ZNF804B: variants seen among roughly 807,000 people sequenced by gnomAD.
The protein encoded by ZNF804B is zinc finger 804B.
Under a neutral mutation model 101.4 loss-of-function variants are expected in ZNF804B, and 80 were observed. That is an observed-to-expected ratio of 0.79 (90% CI 0.66 to 0.95). ZNF804B has a LOEUF of 0.95. Among genes scored for constraint, ZNF804B ranks in the 40% least tolerant of loss-of-function variants. The pLI is 0.00. For synonymous variants in ZNF804B, 622 were observed against 558.8 expected, an observed-to-expected ratio of 1.11 and a Z score of -1.59; for missense variants, 1,673 against 1,561.9, an observed-to-expected ratio of 1.07 and a Z score of -1.20.
intron 1 of ZNF804B, among the ~76,000 whole-genome samples, chr7:88,836,694 A>G (rs556091234): frequency 3.3e-5 from 5 of 151,988 alleles, no homozygotes; most frequent in Non-Finnish European, 7.4e-5. Context: ...GTCTCTATGC[A>G]GATTTCCAGA....
chr7:89,167,190 G>A (rs1484366027), intron 1 of ZNF804B, among the ~76,000 whole-genome samples: 2 of 151,648 alleles, frequency 1.3e-5, no homozygotes, highest in East Asian at 1.9e-4. Context: ...AATAATTCAT[G>A]TATGGGAGGC....
At chr7:88,774,620 T>C (rs575108369) in intron 1 of ZNF804B, among the ~76,000 whole-genome samples, 4 of 152,220 alleles carry the variant, frequency 2.6e-5, no homozygotes, top group Non-Finnish European at 4.4e-5. Flanking sequence ...ACTAAGTATT[T>C]ATTCTTCAAT....
chr7:89,082,701 A>G (rs1017842206), intron 1 of ZNF804B, among the ~76,000 whole-genome samples: 1 of 151,768 alleles, frequency 6.6e-6, no homozygotes, highest in Non-Finnish European at 1.5e-5. Flanking sequence ...AACTTTTATG[A>G]CTGATATAAG....
Position 88,941,130 on chromosome 7 carries a change from G to A in ZNF804B, c.108+181046G>A, listed in dbSNP as rs1584028997. On this transcript the variant is annotated intron_variant, in intron 1 of 3. Transcript: ENST00000333190. ...GACAACATAAAAAGTGGCCAAAAAT[G>A]TGGAGCAATAGAATCTCTCATTCTT... 2.0e-5 allele frequency among the ~76,000 whole-genome samples: 3 copies of A among 152,104 alleles called. No individual in the cohort carries two copies. In the East Asian group the frequency reaches 5.8e-4, roughly 30 times the overall value.
At chr7:89,327,615 C>T in intron 3 of ZNF804B, 141 bp downstream of exon 3, 3 of 1,119,982 alleles carry the variant, frequency 2.7e-6, no homozygotes, top group Admixed American at 3.2e-5. Context: ...GTTAAACATA[C>T]ATAAATTAAT....
intron 1 of ZNF804B, among the ~76,000 whole-genome samples, chr7:88,953,024 C>T (rs1367283226): frequency 6.6e-6 from 1 of 151,730 alleles, no homozygotes; most frequent in Non-Finnish European, 1.5e-5. Flanking sequence ...CGAAGTGTTT[C>T]CTACCGCTGT....
chr7:89,171,302 T>C (rs1358517079), intron 1 of ZNF804B, among the ~76,000 whole-genome samples: 1 of 101,932 alleles, frequency 9.8e-6, no homozygotes, highest in Non-Finnish European at 2.2e-5. Flanking sequence ...CTTCTTCTTC[T>C]TCTTCTTCTT....
chr7:88,921,438 T>C (rs1465458913), intron 1 of ZNF804B, among the ~76,000 whole-genome samples: 1 of 152,112 alleles, frequency 6.6e-6, no homozygotes, highest in East Asian at 1.9e-4. Flanking sequence ...GTGAGTTACC[T>C]CACCCAAAGG....
chr7:88,770,133 T>C (rs1202758096), intron 1 of ZNF804B, among the ~76,000 whole-genome samples: 1 of 152,206 alleles, frequency 6.6e-6, no homozygotes, highest in East Asian at 1.9e-4. Context: ...ATCTATATAC[T>C]TAAATATATC....
rs111618806 is a variant in ZNF804B at position 89,254,651 on chromosome 7, ATT to A, written c.249+36367_249+36368del. ...ATTTATTTTTATTTTTATTTTTATT[ATT>A]TTTTTTTTTTGAGTCAGAATCTCAC... On this transcript the variant is annotated intron_variant, in intron 2 of 3. Transcript: ENST00000333190. Among the ~76,000 whole-genome samples the A allele has an allele frequency of 2.8e-3, 328 of 117,562 alleles. 2 individuals are homozygous for A. The highest frequency in any genetic ancestry group is 0.011 in the African/African-American group (320 of 30,384). 77.1% of individuals were successfully genotyped at this position (117,562 alleles called of 152,430 possible). A position where few individuals can be genotyped will look rare whatever the true frequency, so the allele number is the denominator to read the frequency against.
chr7:89,223,443 T>C (rs1789035451), intron 2 of ZNF804B, among the ~76,000 whole-genome samples: 1 of 151,900 alleles, frequency 6.6e-6, no homozygotes, highest in Admixed American at 6.6e-5. Flanking sequence ...CATGTGTTTA[T>C]TTTATCACAA....
intron 1 of ZNF804B, among the ~76,000 whole-genome samples, chr7:89,038,155 T>C (rs531402649): frequency 6.6e-6 from 1 of 152,290 alleles, no homozygotes; most frequent in East Asian, 1.9e-4. Flanking sequence ...AGGTATCCCC[T>C]TGATATACTG....
At chr7:89,276,856 T>C (rs1336063325) in intron 2 of ZNF804B, among the ~76,000 whole-genome samples, 2 of 151,838 alleles carry the variant, frequency 1.3e-5, no homozygotes. Flanking sequence ...TTTATCACTT[T>C]AATCTACTAA....
At chr7:89,097,744 T>C (rs73391280) in intron 1 of ZNF804B, among the ~76,000 whole-genome samples, 3,325 of 152,288 alleles carry the variant, frequency 0.022, 151 homozygotes, top group African/African-American at 0.076. Flanking sequence ...TGTAGAAATA[T>C]TCTCATTTGC....
At chr7:89,076,581 T>C (rs1440709088) in intron 1 of ZNF804B, among the ~76,000 whole-genome samples, 1 of 152,194 alleles carries the variant, frequency 6.6e-6, no homozygotes, top group Non-Finnish European at 1.5e-5. Context: ...CTCTCTTATG[T>C]ACATAAGAAA....
intron 1 of ZNF804B, among the ~76,000 whole-genome samples, chr7:89,164,154 A>T (rs1406961139): frequency 1.3e-5 from 2 of 152,184 alleles, no homozygotes; most frequent in East Asian, 1.9e-4. Context: ...CTACTATAGA[A>T]TAACCTTATT....
intron 1 of ZNF804B, among the ~76,000 whole-genome samples, chr7:88,810,094 G>C (rs780977025): frequency 3.3e-5 from 5 of 152,052 alleles, no homozygotes; most frequent in Admixed American, 1.3e-4. Flanking sequence ...CCAATGTTCC[G>C]TGATGCTCCT....
At chr7:89,042,055 G>T (rs944098106) in intron 1 of ZNF804B, among the ~76,000 whole-genome samples, 4 of 152,244 alleles carry the variant, frequency 2.6e-5, no homozygotes, top group African/African-American at 9.6e-5. Context: ...TGAAGGCTGA[G>T]AAATGTGTTA....
chr7:88,761,934 A>G (rs1789904140), intron 1 of ZNF804B, among the ~76,000 whole-genome samples: 1 of 152,104 alleles, frequency 6.6e-6, no homozygotes, highest in South Asian at 2.1e-4. Flanking sequence ...CACTATAGAG[A>G]CTGGATGTGT....
Sources: gnomAD v4.1 joint callset for allele counts (sites outside exome capture counted in the v4.1 genomes callset) on GRCh38, gnomAD v4.1.1 for gene constraint, MANE v1.5 for transcripts, NCBI Gene and HGNC (gene_info 2026-07-23, HGNC 2026-07-21) for gene names.